Variants in AFG2A observed in about 807,000 individuals in gnomAD.
AFG2A encodes the protein AAA ATPase AFG2A, also known as ATPase family gene 2 protein homolog A.
chr4:122,994,022 A>C, the AFG2A span, among the ~76,000 whole-genome samples: 29 of 152,232 alleles, frequency 1.9e-4, no homozygotes, highest in African/African-American at 6.5e-4. Flanking sequence ...GAGTGAATGA[A>C]TAACTGTAAT....
the AFG2A span, among the ~76,000 whole-genome samples, chr4:123,187,869 G>T: frequency 2.0e-5 from 3 of 151,900 alleles, no homozygotes; most frequent in East Asian, 5.8e-4. Flanking sequence ...AGTGGCACAT[G>T]CTTGTAGTCC....
At chr4:123,062,335 T>C in the AFG2A span, among the ~76,000 whole-genome samples, 1 of 152,242 alleles carries the variant, frequency 6.6e-6, no homozygotes, top group African/African-American at 2.4e-5. Flanking sequence ...CTACACTATA[T>C]ACCATATGGC....
chr4:123,045,075 G>A, the AFG2A span, among the ~76,000 whole-genome samples: 1 of 151,588 alleles, frequency 6.6e-6, no homozygotes, highest in Non-Finnish European at 1.5e-5. Flanking sequence ...TACGATACCT[G>A]TTTTTAAGAT....
the AFG2A span, among the ~76,000 whole-genome samples, chr4:123,187,539 A>G: frequency 6.6e-6 from 1 of 152,164 alleles, no homozygotes; most frequent in Non-Finnish European, 1.5e-5. Context: ...TATTAAGAAT[A>G]TTGGTATTCT....
At chr4:123,017,223 G>A in the AFG2A span, among the ~76,000 whole-genome samples, 2 of 136,736 alleles carry the variant, frequency 1.5e-5, no homozygotes, top group East Asian at 2.4e-4. Context: ...GAGGGAGAGG[G>A]GGGAGAGGGA....
the AFG2A span, chr4:122,936,069 AT>A: frequency 4.5e-6 from 7 of 1,553,340 alleles, no homozygotes; most frequent in Non-Finnish European, 6.1e-6. Flanking sequence ...ACAATAAGAA[AT>A]GGTCTTTAAA....
At chr4:123,013,064 A>G in the AFG2A span, among the ~76,000 whole-genome samples, 1 of 151,834 alleles carries the variant, frequency 6.6e-6, no homozygotes, top group Non-Finnish European at 1.5e-5. Flanking sequence ...GCAAAGGGAG[A>G]TAGGGGTGGG....
At chr4:122,973,604 A>G in the AFG2A span, among the ~76,000 whole-genome samples, 179 of 152,238 alleles carry the variant, frequency 1.2e-3, no homozygotes, top group African/African-American at 4.2e-3. Context: ...AGGGGCTAGT[A>G]TGCATTGCAA....
At chr4:123,003,338 T>G in the AFG2A span, among the ~76,000 whole-genome samples, 1 of 152,238 alleles carries the variant, frequency 6.6e-6, no homozygotes, top group East Asian at 1.9e-4. Flanking sequence ...CTTTGTTCTG[T>G]TGCTGGTGAG....
the AFG2A span, among the ~76,000 whole-genome samples, chr4:122,981,839 T>C: frequency 1.2e-4 from 19 of 152,112 alleles, 1 homozygote; most frequent in Admixed American, 1.2e-3. Flanking sequence ...TACTGACTTT[T>C]GTTGTCGATT....
At chr4:123,201,788 G>A in the AFG2A span, among the ~76,000 whole-genome samples, 1 of 152,030 alleles carries the variant, frequency 6.6e-6, no homozygotes, top group African/African-American at 2.4e-5. Context: ...TGGGCATGGT[G>A]GCATATGCCT....
At chr4:122,962,551 G>T in the AFG2A span, among the ~76,000 whole-genome samples, 1 of 152,112 alleles carries the variant, frequency 6.6e-6, no homozygotes, top group African/African-American at 2.4e-5. Context: ...AAAAGAGGTG[G>T]TAGTTTTGAT....
chr4:123,172,799 A>C, the AFG2A span, among the ~76,000 whole-genome samples: 1 of 152,148 alleles, frequency 6.6e-6, no homozygotes, highest in Non-Finnish European at 1.5e-5. Flanking sequence ...CATTTTTTCT[A>C]GAGACAAGGA....
At chr4:123,206,304 A>G in the AFG2A span, among the ~76,000 whole-genome samples, 1 of 152,116 alleles carries the variant, frequency 6.6e-6, no homozygotes, top group Non-Finnish European at 1.5e-5. Flanking sequence ...ATTTAGAGAC[A>G]TATATTGCCT....
At chr4:123,308,692 G>A in the AFG2A span, among the ~76,000 whole-genome samples, 1 of 152,174 alleles carries the variant, frequency 6.6e-6, no homozygotes, top group Non-Finnish European at 1.5e-5. Flanking sequence ...AAAGGTTGGG[G>A]ACTGCTTATC....
chr4:122,993,656 A>G, the AFG2A span, among the ~76,000 whole-genome samples: 1 of 152,088 alleles, frequency 6.6e-6, no homozygotes, highest in African/African-American at 2.4e-5. Flanking sequence ...ATATGACAAA[A>G]ATTTAAAATT....
the AFG2A span, chr4:122,934,583 G>T: frequency 6.2e-7 from 1 of 1,613,914 alleles, no homozygotes; most frequent in Non-Finnish European, 8.5e-7. Context: ...TCAACAACAA[G>T]AGTCAATTTT....
chr4:123,030,204 A>G, the AFG2A span, among the ~76,000 whole-genome samples: 2 of 152,226 alleles, frequency 1.3e-5, no homozygotes, highest in African/African-American at 2.4e-5. Context: ...TCCTCATCAG[A>G]TAAGTTTTCG....
At chr4:123,029,241 G>GT in the AFG2A span, among the ~76,000 whole-genome samples, 2 of 152,196 alleles carry the variant, frequency 1.3e-5, no homozygotes, top group East Asian at 3.9e-4. Context: ...GGGACTACAG[G>GT]TGCCTGGCAA....
Sources: gnomAD v4.1 joint callset for allele counts (sites outside exome capture counted in the v4.1 genomes callset) on GRCh38, gnomAD v4.1.1 for gene constraint, MANE v1.5 for transcripts, NCBI Gene and HGNC (gene_info 2026-07-23, HGNC 2026-07-21) for gene names.